The following HERC2 variants were observed in gnomAD, a reference collection of about 807,000 sequenced individuals.
HERC2 encodes the protein E3 ubiquitin-protein ligase HERC2.
Under a neutral mutation model 537.7 loss-of-function variants are expected in HERC2, and 102 were observed. The ratio of observed to expected loss-of-function variants is 0.19; its 90% CI spans 0.16 to 0.22. The LOEUF (loss-of-function observed/expected upper bound fraction) is 0.22. Among genes scored for constraint, HERC2 ranks in the 10% least tolerant of loss-of-function variants. HERC2 has a pLI of 1.00. For missense variants in HERC2, 4,236 were observed against 6,198.2 expected (o/e 0.68, Z 10.63); for synonymous variants, 2,224 against 2,466.2 (o/e 0.90, Z 2.91).
At chr15:28,198,355 T>C in intron 50 of HERC2, 23 bp downstream of exon 50, 1 of 1,605,786 alleles carries the variant, frequency 6.2e-7, no homozygotes, top group Non-Finnish European at 8.5e-7. Context: ...ACATCAGGAA[T>C]TTTATTACCC....
rs58617687 is a variant in HERC2 at position 28,133,139 on chromosome 15, TAAAAA to T, written c.12231-314_12231-310del. Among the ~76,000 whole-genome samples the T allele has an allele frequency of 3.8e-4, 53 of 139,212 alleles. 1 individual carries two copies. The highest frequency in any genetic ancestry group is 1.7e-3 in the Admixed American group (23 of 13,854). 91.3% of individuals were successfully genotyped at this position (139,212 alleles called of 152,430 possible). A position where few individuals can be genotyped will look rare whatever the true frequency, so the allele number is the denominator to read the frequency against. On this transcript the variant is annotated intron_variant, in intron 79 of 92. Coordinates refer to ENST00000261609, the MANE Select transcript of HERC2 (RefSeq NM_004667.6). ...AACAGGTTTTACATTTTAACGGGTTTAAAAAAAAAAAAAAAGAATCATATGCAACT... is the reference window on the plus strand; with the variant it reads ...AACAGGTTTTACATTTTAACGGGTTTAAAAAAAAAAGAATCATATGCAACT...
Position 28,248,748 on chromosome 15 carries a change from A to G in HERC2, c.3051-12T>C. 1 of 1,597,618 alleles carries G rather than the reference A, an allele frequency of 6.3e-7. No individual in the cohort carries two copies. The highest frequency in any genetic ancestry group is 8.6e-7 in the Non-Finnish European group (1 of 1,169,490). The stretch of plus-strand genomic sequence containing the variant: ...GAGAAGCAATGTTTCTATACAGGAA[A>G]GAAGAGGATTACAAAATTAAACAAG... On this transcript the variant is annotated splice_polypyrimidine_tract_variant and intron_variant, in intron 20 of 92. Transcript: ENST00000261609.
chr15:28,315,814 T>G (rs1481744324), intron 2 of HERC2: 8 of 1,028,682 alleles, frequency 7.8e-6, no homozygotes, highest in Non-Finnish European at 4.3e-6. Flanking sequence ...AGCAGAAACA[T>G]GGAATGCCAG....
At chr15:28,301,733 GTGTA>G (rs1259484703) in intron 2 of HERC2, among the ~76,000 whole-genome samples, 581 of 30,860 alleles carry the variant, frequency 0.019, 26 homozygotes, top group East Asian at 0.087. Flanking sequence ...TTGTATGTAT[GTGTA>G]TATATATATA....
chr15:28,224,270 G>A (rs1252400800), intron 35 of HERC2, among the ~76,000 whole-genome samples: 2 of 151,658 alleles, frequency 1.3e-5, no homozygotes, highest in Admixed American at 1.3e-4. Flanking sequence ...AGCCCAGGCT[G>A]GAGTGCAGTG....
At chr15:28,204,017 C>T (rs569284067) in intron 45 of HERC2, 1 of 151,712 alleles carries the variant, frequency 6.6e-6, no homozygotes, top group Admixed American at 6.5e-5. Flanking sequence ...AGGGCAAATA[C>T]AAAATCATTA....
chr15:28,198,818 A>G (rs1372276005), intron 48 of HERC2, 49 bp from the exon 49 acceptor site: 2 of 1,495,126 alleles, frequency 1.3e-6, no homozygotes, highest in East Asian at 4.5e-5. Flanking sequence ...TACACAGGTG[A>G]AATGAGCCAT....
rs575538112 is a variant in HERC2, at chr15:28,221,975, T to C, written c.5652+53A>G. On this transcript the variant is annotated intron_variant, in intron 36 of 92. Coordinates refer to ENST00000261609, the MANE Select transcript of HERC2 (RefSeq NM_004667.6). ...CACCCACCAATATCGTACAGAACTG[T>C]GCAGAAGATAACTAATGTGTGGCTA... 148 of 1,065,996 alleles carry C rather than the reference T, an allele frequency of 1.4e-4. 3 individuals carry two copies. The South Asian group carries it at 1.7e-3, about 12-fold the overall frequency. The allele number at this position is 1,065,996 out of a possible 1,614,324, so 66.0% of individuals were successfully genotyped here. A position where few individuals can be genotyped will look rare whatever the true frequency, so the allele number is the denominator to read the frequency against.
chr15:28,260,375 A>C (rs57179075), intron 16 of HERC2, among the ~76,000 whole-genome samples: 12,184 of 152,154 alleles, frequency 0.08, 1,668 homozygotes, highest in African/African-American at 0.28. Context: ...TTAATCTGAT[A>C]ATAAGGCATC....
At chr15:28,299,755 AG>A (rs1209603094) in intron 2 of HERC2, among the ~76,000 whole-genome samples, 1 of 152,232 alleles carries the variant, frequency 6.6e-6, no homozygotes, top group Non-Finnish European at 1.5e-5. Context: ...GTAACATACA[AG>A]AAAAATGACA....
At chr15:28,183,190 T>C in intron 56 of HERC2, among the ~76,000 whole-genome samples, 1 of 152,122 alleles carries the variant, frequency 6.6e-6, no homozygotes, top group East Asian at 1.9e-4. Context: ...TGACCTGCCC[T>C]CAACAGGTTA....
At position 28,285,029 on chromosome 15, in the gene HERC2, G is replaced by A. The variant is rs1377728311; in HGVS notation, c.323-4742C>T. Among the ~76,000 whole-genome samples, 3 of 148,736 alleles carry A rather than the reference G, an allele frequency of 2.0e-5. No individual in the cohort carries two copies. In the Admixed American group the frequency reaches 2.0e-4, roughly 10 times the overall value. On this transcript the variant is annotated intron_variant, in intron 4 of 92. Transcript: ENST00000261609. ...CCATTAAGACGCAGCAATTCAAAAC[G>A]TGCATACACCAAACAAACAAAGAAA...
chr15:28,198,673 G>C lies in HERC2; in HGVS notation c.7813C>G (p.Leu2605Val). 1 of 1,614,142 alleles carries C rather than the reference G, an allele frequency of 6.2e-7. No individual in the cohort carries two copies. Among genetic ancestry groups the C allele is most frequent in the Non-Finnish European group, 8.5e-7 (1 of 1,180,002 alleles). Residue 2605 changes from leucine (L) to valine (V), a missense_variant, in exon 49 of 93, where the codon CTC becomes GTC. By Grantham distance (32) the Leu-to-Val change is conservative. Around this residue, in one of 27 missense-constraint regions of HERC2, gnomAD observed 606 missense variants for 884.5 expected, o/e 0.69. Transcript: ENST00000261609. ...TGCTGCCAGTCACACTGCACATTGA[G>C]ATCATGCAATCCATCTCTGTCCAGC... ...IKLDRDGLHD[L>V]NVQCDWQQKG...
intron 2 of HERC2, among the ~76,000 whole-genome samples, chr15:28,308,955 G>A (rs552165251): frequency 6.6e-6 from 1 of 152,312 alleles, no homozygotes; most frequent in Non-Finnish European, 1.5e-5. Context: ...CTAGTATTTT[G>A]TTGAGGATAT....
At chr15:28,229,172 C>G in intron 34 of HERC2, 23 bp downstream of exon 34, 3 of 1,593,506 alleles carry the variant, frequency 1.9e-6, no homozygotes, top group South Asian at 1.1e-5. Flanking sequence ...TATAAAATAA[C>G]ATTGATACAA....
intron 69 of HERC2, among the ~76,000 whole-genome samples, chr15:28,157,199 G>A (rs1893095028): frequency 6.6e-6 from 1 of 151,836 alleles, no homozygotes; most frequent in South Asian, 2.1e-4. Flanking sequence ...GGATATTGGT[G>A]TAAAATTCTT....
chr15:28,210,771 G>A (rs7183945), intron 44 of HERC2, among the ~76,000 whole-genome samples: 27,990 of 142,882 alleles, frequency 0.2, 4,102 homozygotes, highest in East Asian at 0.48. Context: ...CTTTAAATGG[G>A]AAGGCATGAA....
intron 63 of HERC2, among the ~76,000 whole-genome samples, chr15:28,175,892 T>C (rs1310511983): frequency 6.6e-6 from 1 of 152,190 alleles, no homozygotes; most frequent in Non-Finnish European, 1.5e-5. Flanking sequence ...AAGTTACTGT[T>C]GTAGGTTTTC....
Position 28,144,137 on chromosome 15 carries a change from T to C in HERC2, c.11239A>G (p.Arg3747Gly). ...GCCGCAAGGCGAGGGACGATGCTTC[T>C]GTTAGAGGCAAGGTTGAGTCGGAAG... ...LDFRLNLASN[R>G]SIVPRLAASL... The change falls in exon 73 of 93, where the codon AGA becomes GGA. Residue 3747 changes from arginine to glycine, a missense_variant. Physicochemically the swap from Arg to Gly is moderately radical, Grantham distance 125. Transcript: ENST00000261609. The C allele has an allele frequency of 6.2e-7, 1 of 1,614,222 alleles. No individual in the cohort carries two copies. Among genetic ancestry groups the C allele is most frequent in the Non-Finnish European group, 8.5e-7 (1 of 1,180,046 alleles).
Sources: gnomAD v4.1 joint callset for allele counts (sites outside exome capture counted in the v4.1 genomes callset) on GRCh38, gnomAD v4.1.1 for gene constraint, gnomAD v4.1.1 regional missense constraint, MANE v1.5 for transcripts, NCBI Gene and HGNC (gene_info 2026-07-23, HGNC 2026-07-21) for gene names.